Variants in ENAH observed in about 807,000 individuals in gnomAD.
ENAH encodes the protein ENAH actin regulator.
A neutral mutation model predicts 78.7 loss-of-function variants in ENAH; 23 were observed. That is an observed-to-expected ratio of 0.29 (90% confidence interval 0.21 to 0.41). The LOEUF is 0.41. Among genes scored for constraint, ENAH ranks in the 10% least tolerant of loss-of-function variants. ENAH has a pLI of 1.00. For missense variants in ENAH, 544 were observed against 691.0 expected (o/e 0.79, Z 2.39); for synonymous variants, 226 against 241.0 (o/e 0.94, Z 0.58).
At position 225,495,455 on chromosome 1, in the gene ENAH, G is replaced by GTTT. The variant is rs1354868878; in HGVS notation, c.*2319_*2320insAAA. ...GGGAAATATAGCATGATTCAACACT[G>GTTT]GTTTTTTTTTTTTTTTTTTTTTGTC... is the stretch of plus-strand genomic sequence containing the variant. On this transcript the variant is annotated 3_prime_UTR_variant, in exon 14 of 14. Transcript: ENST00000366843. The GTTT allele has an allele frequency of 3.1e-5, 2 of 63,528 alleles. No individual in the cohort carries two copies. The highest frequency in any genetic ancestry group is 5.9e-5 in the Non-Finnish European group (2 of 33,834). 3.9% of individuals were successfully genotyped at this position (63,528 alleles called of 1,614,324 possible). A position where few individuals can be genotyped will look rare whatever the true frequency, so the allele number is the denominator to read the frequency against.
chr1:225,519,364 C>A lies in ENAH; in HGVS notation c.636G>T (p.Arg212=). The change falls in exon 5 of 14, where the codon CGG becomes CGT. Residue 212 remains arginine (R), a synonymous_variant. Transcript: ENST00000366843. ...GTTCCTGCCGCTCCAGGCGTTCCTG[C>A]CGCTCCAGGCGTTCCTGCCGCTCCA... ...ERLERQERLE[R]QERLERQERL... 1 of 1,609,556 alleles carries A rather than the reference C, an allele frequency of 6.2e-7. No homozygotes were observed. The highest frequency in any genetic ancestry group is 8.5e-7 in the Non-Finnish European group (1 of 1,177,898).
At chr1:225,608,841 A>C (rs36096683) in intron 1 of ENAH, among the ~76,000 whole-genome samples, 1 of 149,616 alleles carries the variant, frequency 6.7e-6, no homozygotes, top group African/African-American at 2.5e-5. Flanking sequence ...AAAAAAAAAA[A>C]GGAGGGGGGT....
intron 9 of ENAH, among the ~76,000 whole-genome samples, chr1:225,512,271 C>T (rs2096383246): frequency 2.0e-5 from 3 of 152,176 alleles, no homozygotes; most frequent in Admixed American, 2.0e-4. Context: ...AGGGGCACAG[C>T]CAATAACCAT....
chr1:225,496,754 A>G lies in ENAH; in HGVS notation c.*1021T>C, dbSNP rs2096251539. On this transcript the variant is annotated 3_prime_UTR_variant, in exon 14 of 14. Transcript: ENST00000366843. ...TTATTTATTCATGCAGGTAACTGAGAAAAAGATAGTGCAGAAATCAACTTT... is the reference window on the plus strand; with the variant it reads ...TTATTTATTCATGCAGGTAACTGAGGAAAAGATAGTGCAGAAATCAACTTT... 1 of 152,672 alleles carries G rather than the reference A, an allele frequency of 6.5e-6. No homozygotes were observed. The highest frequency in any genetic ancestry group is 1.5e-5 in the Non-Finnish European group (1 of 68,046). 9.5% of individuals were successfully genotyped at this position (152,672 alleles called of 1,614,324 possible). A position where few individuals can be genotyped will look rare whatever the true frequency, so the allele number is the denominator to read the frequency against.
In ENAH at chr1:225,488,788, C is replaced by T. The variant is rs2150984712; in HGVS notation, c.*8987G>A. On this transcript the variant is annotated 3_prime_UTR_variant, in exon 14 of 14. Transcript: ENST00000366843. ...ACCCATCTTTTATCATCCCAAACTG[C>T]TATTTCCATCTCTGACTTTCTGCCA... 6.6e-6 allele frequency: 1 copy of T among 152,332 alleles called. No homozygotes were observed. The highest frequency in any genetic ancestry group is 6.5e-5 in the Admixed American group (1 of 15,298). The allele number at this position is 152,332 out of a possible 1,614,324, so 9.4% of individuals were successfully genotyped here.
chr1:225,612,437 G>A (rs969002889), intron 1 of ENAH, among the ~76,000 whole-genome samples: 6 of 152,200 alleles, frequency 3.9e-5, no homozygotes, highest in Admixed American at 3.9e-4. Flanking sequence ...AACAGGGATT[G>A]GGAAATGATT....
chr1:225,650,019 A>G (rs1358443147), intron 1 of ENAH, among the ~76,000 whole-genome samples: 1 of 152,240 alleles, frequency 6.6e-6, no homozygotes, highest in Non-Finnish European at 1.5e-5. Flanking sequence ...ATGAAGACTA[A>G]GCATATATTA....
intron 1 of ENAH, among the ~76,000 whole-genome samples, chr1:225,615,115 G>A (rs1342206029): frequency 6.6e-6 from 1 of 152,004 alleles, no homozygotes; most frequent in East Asian, 1.9e-4. Context: ...CTGTGCTGCC[G>A]CCATCTCGGC....
Position 225,638,109 on chromosome 1 carries a change from A to G in ENAH, c.5+14577T>C, listed in dbSNP as rs147869726. Among the ~76,000 whole-genome samples the G allele has an allele frequency of 4.3e-4, 66 of 152,340 alleles. 1 individual carries two copies. The East Asian group carries it at 0.011, about 26-fold the overall frequency. ...AATGAATTATTAATCCCATTTTGCA[A>G]AAAAAGAAATTAAGGTTTGGGAAAG... is the stretch of plus-strand genomic sequence containing the variant. On this transcript the variant is annotated intron_variant, in intron 1 of 13. Coordinates refer to ENST00000366843, the MANE Select transcript of ENAH (RefSeq NM_018212.6).
chr1:225,603,110 AATG>A (rs945168975), intron 1 of ENAH, among the ~76,000 whole-genome samples: 7 of 152,178 alleles, frequency 4.6e-5, no homozygotes, highest in African/African-American at 1.7e-4. Flanking sequence ...CAAAGAACTA[AATG>A]ATAATAAAGG....
intron 1 of ENAH, among the ~76,000 whole-genome samples, chr1:225,649,896 T>C (rs1662655061): frequency 6.6e-6 from 1 of 152,218 alleles, no homozygotes; most frequent in Non-Finnish European, 1.5e-5. Context: ...GAAATTCCTG[T>C]TCAGGCATTC....
chr1:225,646,748 C>T (rs9651009), intron 1 of ENAH, among the ~76,000 whole-genome samples: 13,973 of 151,860 alleles, frequency 0.092, 790 homozygotes, highest in South Asian at 0.25. Context: ...GAGATCGAGC[C>T]GCTGCAATCC....
intron 7 of ENAH, 36 bp downstream of exon 7, chr1:225,514,560 A>AG: frequency 6.8e-7 from 1 of 1,462,770 alleles, no homozygotes; most frequent in Non-Finnish European, 9.6e-7. Context: ...AGGAAGAATA[A>AG]GACATATTAA....
At chr1:225,599,338 T>C (rs1393921579) in intron 1 of ENAH, among the ~76,000 whole-genome samples, 4 of 152,182 alleles carry the variant, frequency 2.6e-5, no homozygotes, top group Non-Finnish European at 4.4e-5. Context: ...AGAAATATCA[T>C]TGGGAAATCT....
intron 3 of ENAH, among the ~76,000 whole-genome samples, chr1:225,531,694 T>C (rs2096538359): frequency 6.6e-6 from 1 of 152,106 alleles, no homozygotes; most frequent in Non-Finnish European, 1.5e-5. Context: ...ACGAAATAAA[T>C]GCTTCTGTGC....
intron 11 of ENAH, chr1:225,504,982 GGAT>G (rs1416625909): frequency 6.2e-7 from 1 of 1,606,390 alleles, no homozygotes; most frequent in Non-Finnish European, 8.5e-7. Flanking sequence ...CGTCACAGCA[GGAT>G]GATACCTGTG....
In ENAH at chr1:225,641,435, G is replaced by A. The variant is rs1575836845; in HGVS notation, c.5+11251C>T. The stretch of plus-strand genomic sequence containing the variant: ...AGATCACTCAAGGCCAAGAGTTGAA[G>A]ACTAACTTGAGCAACACAGCAAGAC... On this transcript the variant is annotated intron_variant, in intron 1 of 13. Coordinates refer to ENST00000366843, the MANE Select transcript of ENAH (RefSeq NM_018212.6). 5.0e-5 allele frequency among the ~76,000 whole-genome samples: 5 copies of A among 99,048 alleles called. 1 individual carries two copies. In the Admixed American group the frequency reaches 5.6e-4, roughly 11 times the overall value. The allele number at this position is 99,048 out of a possible 152,430, so 65.0% of individuals were successfully genotyped here. A position where few individuals can be genotyped will look rare whatever the true frequency, so the allele number is the denominator to read the frequency against.
At chr1:225,500,872 A>AT (rs147494157) in intron 12 of ENAH, 120 bp downstream of exon 12, 49,307 of 920,358 alleles carry the variant, frequency 0.054, 1,726 homozygotes, top group South Asian at 0.1. Flanking sequence ...TTTAATTTGT[A>AT]TAACAATAGC....
At chr1:225,562,601 A>AAAAC (rs1558819814) in intron 2 of ENAH, among the ~76,000 whole-genome samples, 3 of 133,420 alleles carry the variant, frequency 2.2e-5, no homozygotes, top group East Asian at 2.1e-4. Flanking sequence ...AAAAAAAAAA[A>AAAAC]ACACACCCAA....
Sources: allele counts gnomAD v4.1 joint callset (sites outside exome capture counted in the v4.1 genomes callset), GRCh38; gene constraint gnomAD v4.1.1; transcripts MANE v1.5; gene names NCBI Gene and HGNC (gene_info 2026-07-23, HGNC 2026-07-21).